TCF12: variants seen among roughly 807,000 people sequenced by gnomAD.
The protein encoded by TCF12 is DNA-binding protein HTF4.
A neutral mutation model predicts 86.0 loss-of-function variants in TCF12; 45 were observed. The observed-to-expected ratio is 0.52, with a 90% CI of 0.41 to 0.67. The LOEUF (loss-of-function observed/expected upper bound fraction) is 0.67, where lower values mean the gene tolerates loss of function less well. Among genes scored for constraint, TCF12 ranks in the 30% least tolerant of loss-of-function variants. TCF12 has a pLI of 0.00. For synonymous variants in TCF12, 330 were observed against 299.6 expected (o/e 1.10, Z -1.05); for missense variants, 881 against 859.9 (o/e 1.02, Z -0.31).
At chr15:56,932,957 C>A (rs2060312065) in intron 3 of TCF12, among the ~76,000 whole-genome samples, 1 of 152,116 alleles carries the variant, frequency 6.6e-6, no homozygotes, top group Admixed American at 6.6e-5. Context: ...ATAGCTACAA[C>A]CTCAGATAGC....
chr15:56,976,182 AC>A (rs1238597627), intron 3 of TCF12, among the ~76,000 whole-genome samples: 1 of 151,148 alleles, frequency 6.6e-6, no homozygotes, highest in East Asian at 1.9e-4. Context: ...TTCTATAAGA[AC>A]TGTACCGTTG....
intron 6 of TCF12, among the ~76,000 whole-genome samples, chr15:57,185,949 A>C (rs2056644033): frequency 6.6e-6 from 1 of 152,216 alleles, no homozygotes; most frequent in African/African-American, 2.4e-5. Context: ...TTGACTGAGA[A>C]AAAAAAGAAC....
chr15:56,965,101 G>A (rs547028845), intron 3 of TCF12, among the ~76,000 whole-genome samples: 1 of 152,220 alleles, frequency 6.6e-6, no homozygotes, highest in South Asian at 2.1e-4. Context: ...TGCCTACAGT[G>A]GATGACTAAA....
intron 3 of TCF12, among the ~76,000 whole-genome samples, chr15:56,939,975 T>TTG (rs1319912146): frequency 3.0e-5 from 3 of 100,328 alleles, no homozygotes; most frequent in Admixed American, 1.1e-4. Context: ...GTGTTTTTTT[T>TTG]TTTTTTTTTT....
chr15:57,117,539 C>G (rs2050928387), intron 5 of TCF12, among the ~76,000 whole-genome samples: 1 of 152,130 alleles, frequency 6.6e-6, no homozygotes, highest in African/African-American at 2.4e-5. Flanking sequence ...CAAGTATGAT[C>G]TGGGTTCAAA....
In TCF12 at chr15:57,286,334, G is replaced by A; in HGVS notation, c.*189G>A. On this transcript the variant is annotated 3_prime_UTR_variant, in exon 21 of 21. Coordinates refer to ENST00000333725, the MANE Select transcript of TCF12 (RefSeq NM_207037.2). ...CAACTGGTCAACACTTCCATCAGAA[G>A]TGAAGATAGGAAGCTCATCAGATAG... 4.7e-6 allele frequency: 1 copy of A among 212,630 alleles called. No homozygotes were observed. Among genetic ancestry groups the A allele is most frequent in the Admixed American group, 5.4e-5 (1 of 18,544 alleles). The allele number at this position is 212,630 out of a possible 1,614,324, so 13.2% of individuals were successfully genotyped here. A position where few individuals can be genotyped will look rare whatever the true frequency, so the allele number is the denominator to read the frequency against.
At chr15:56,988,026 A>G (rs1033661789) in intron 3 of TCF12, among the ~76,000 whole-genome samples, 42 of 152,348 alleles carry the variant, frequency 2.8e-4, no homozygotes, top group Admixed American at 2.6e-4. Context: ...TTATGCTTAT[A>G]AAGTTAATGT....
intron 3 of TCF12, among the ~76,000 whole-genome samples, chr15:56,978,987 G>A (rs1255658556): frequency 2.0e-5 from 3 of 152,106 alleles, no homozygotes; most frequent in Non-Finnish European, 4.4e-5. Flanking sequence ...CTACCTCATT[G>A]GACAGCACAA....
At chr15:56,918,532 C>T (rs2059602981), upstream of TCF12, 2 of 293,610 alleles carry the variant, frequency 6.8e-6, no homozygotes, top group Non-Finnish European at 1.3e-5. Context: ...CCTCCCAGTC[C>T]CCGACAGCTC....
chr15:57,232,295 G>A lies in TCF12; in HGVS notation c.690G>A (p.Gly230=). ...ATATTTCTCTTTTTGTCTTAGATGG[G>A]ACCCACAATTCTTCTGACCTTTGGA... The part of the protein sequence containing the change: ...MFASTFFMQD[G]THNSSDLWSS... Residue 230 remains glycine, a synonymous_variant, in exon 10 of 21, where the codon GGG becomes GGA. Coordinates refer to ENST00000333725, the MANE Select transcript of TCF12 (RefSeq NM_207037.2). 1 of 1,613,782 alleles carries A rather than the reference G, an allele frequency of 6.2e-7. No homozygotes were observed. The highest frequency in any genetic ancestry group is 8.5e-7 in the Non-Finnish European group (1 of 1,179,836).
At chr15:57,066,075 C>G (rs2150972949) in intron 4 of TCF12, among the ~76,000 whole-genome samples, 1 of 152,166 alleles carries the variant, frequency 6.6e-6, no homozygotes, top group Admixed American at 6.5e-5. Flanking sequence ...GTATCATTTT[C>G]AAACAAAAAT....
intron 5 of TCF12, among the ~76,000 whole-genome samples, chr15:57,121,702 C>T (rs1435165524): frequency 6.6e-6 from 1 of 152,176 alleles, no homozygotes; most frequent in East Asian, 1.9e-4. Context: ...CTGCTAGCCC[C>T]TTAATCTTAG....
intron 3 of TCF12, among the ~76,000 whole-genome samples, chr15:56,970,503 C>T (rs1168582308): frequency 1.8e-4 from 15 of 84,998 alleles, no homozygotes; most frequent in Non-Finnish European, 3.2e-4. Flanking sequence ...AAAAAAAAAA[C>T]AAGATTACTA....
chr15:57,279,221 TA>T (rs11320909), intron 19 of TCF12, among the ~76,000 whole-genome samples: 53,276 of 151,992 alleles, frequency 0.35, 11,578 homozygotes, highest in African/African-American at 0.6. Flanking sequence ...GTAAAATTCT[TA>T]ACCTCAGCAG....
intron 3 of TCF12, among the ~76,000 whole-genome samples, chr15:57,057,005 T>G (rs1331318461): frequency 2.6e-5 from 4 of 152,160 alleles, no homozygotes; most frequent in Non-Finnish European, 4.4e-5. Flanking sequence ...TTGTGGAAAT[T>G]GTGGCTTATT....
chr15:57,062,470 A>G lies in TCF12; in HGVS notation c.149-1280A>G, dbSNP rs572949622. On this transcript the variant is annotated intron_variant, in intron 3 of 20. Coordinates refer to ENST00000333725, the MANE Select transcript of TCF12 (RefSeq NM_207037.2). The stretch of plus-strand genomic sequence containing the variant: ...TTTTTAAAAAAAGTTATTAAAATAT[A>G]CTTTAGTCACTTGATACAGGAAGTA... 5.9e-5 allele frequency among the ~76,000 whole-genome samples: 9 copies of G among 152,230 alleles called. No individual in the cohort carries two copies. In the South Asian group the frequency reaches 1.5e-3, roughly 25 times the overall value.
chr15:57,094,829 A>T (rs2151134463), intron 5 of TCF12, among the ~76,000 whole-genome samples: 1 of 152,318 alleles, frequency 6.6e-6, no homozygotes, highest in Admixed American at 6.5e-5. Context: ...TATTTTGAGT[A>T]TTATGTTCAG....
intron 16 of TCF12, among the ~76,000 whole-genome samples, chr15:57,254,709 T>G (rs990601646): frequency 2.0e-5 from 3 of 151,452 alleles, no homozygotes; most frequent in Non-Finnish European, 4.4e-5. Context: ...TAAAAAAAAA[T>G]TAGTCTGGCA....
chr15:56,974,364 G>A (rs868140380), intron 3 of TCF12, among the ~76,000 whole-genome samples: 1 of 152,064 alleles, frequency 6.6e-6, no homozygotes, highest in African/African-American at 2.4e-5. Flanking sequence ...AGTAATTGTG[G>A]TAAAATGTTA....
Sources: allele counts gnomAD v4.1 joint callset (sites outside exome capture counted in the v4.1 genomes callset), GRCh38; gene constraint gnomAD v4.1.1; transcripts MANE v1.5; gene names NCBI Gene and HGNC (gene_info 2026-07-23, HGNC 2026-07-21).